The following RBPMS2 variants were observed in gnomAD, a reference collection of about 807,000 sequenced individuals.
The protein encoded by RBPMS2 is RNA binding protein, mRNA processing factor 2, also known as RNA-binding protein with multiple splicing 2.
RBPMS2 carries 14 observed loss-of-function variants against 25.7 expected under a neutral mutation model. That is an observed-to-expected ratio of 0.55 (90% CI 0.36 to 0.85). The LOEUF (loss-of-function observed/expected upper bound fraction) is 0.85. RBPMS2 is among the 40% of genes least tolerant of loss of function. RBPMS2 has a pLI of 0.01. For missense variants in RBPMS2, 252 were observed against 283.4 expected, an observed-to-expected ratio of 0.89 and a Z score of 0.80; for synonymous variants, 127 against 115.6, an observed-to-expected ratio of 1.10 and a Z score of -0.63.
intron 1 of RBPMS2, among the ~76,000 whole-genome samples, chr15:64,764,829 A>C (rs2083827988): frequency 6.6e-6 from 1 of 151,220 alleles, no homozygotes; most frequent in Non-Finnish European, 1.5e-5. Context: ...GAGGCAGGAG[A>C]ATGGTGTGAA....
At chr15:64,748,901 CA>C in intron 5 of RBPMS2, 98 bp downstream of exon 5, 4 of 1,416,696 alleles carry the variant, frequency 2.8e-6, no homozygotes, top group Non-Finnish European at 3.8e-6. Context: ...GCCGTGGACA[CA>C]AAAAGCCTCC....
At chr15:64,755,210 C>T (rs1467300012) in intron 1 of RBPMS2, among the ~76,000 whole-genome samples, 2 of 152,050 alleles carry the variant, frequency 1.3e-5, no homozygotes, top group Non-Finnish European at 2.9e-5. Context: ...CCTCTGGGTC[C>T]GATGACCCTT....
intron 1 of RBPMS2, chr15:64,762,361 G>C (rs760055228): frequency 2.6e-6 from 1 of 380,928 alleles, no homozygotes; most frequent in Admixed American, 2.8e-5. Flanking sequence ...GTTGGGGATG[G>C]GTGCTGGAGC....
rs904423725 is a variant in RBPMS2 at position 64,751,646 on chromosome 15, CAG to C, written c.88-10_88-9del. 2 of 1,613,356 alleles carry C rather than the reference CAG, an allele frequency of 1.2e-6. No homozygotes were observed. Among genetic ancestry groups the C allele is most frequent in the Non-Finnish European group, 1.7e-6 (2 of 1,179,454 alleles). ...GACAAACAGTGTCCGGACCTGGAGA[CAG>C]AGACCAGTGATCAGGGCCAGGCTGC... is the stretch of plus-strand genomic sequence containing the variant. On this transcript the variant is annotated splice_polypyrimidine_tract_variant and intron_variant, in intron 1 of 7. Transcript: ENST00000300069.
At chr15:64,760,558 G>A (rs2083773932) in intron 1 of RBPMS2, among the ~76,000 whole-genome samples, 1 of 152,040 alleles carries the variant, frequency 6.6e-6, no homozygotes, top group Non-Finnish European at 1.5e-5. Context: ...CCACCACCTA[G>A]AAAACAGATC....
At chr15:64,768,389 A>G (rs1393788251) in intron 1 of RBPMS2, among the ~76,000 whole-genome samples, 12 of 152,062 alleles carry the variant, frequency 7.9e-5, no homozygotes, top group Non-Finnish European at 2.9e-5. Context: ...CCTATAACCC[A>G]GCACTTTAGG....
intron 1 of RBPMS2, among the ~76,000 whole-genome samples, chr15:64,762,784 A>G (rs2083802307): frequency 6.6e-6 from 1 of 152,170 alleles, no homozygotes; most frequent in Non-Finnish European, 1.5e-5. Context: ...AAAGGGCAGT[A>G]GAATGCGACT....
chr15:64,757,842 G>A (rs577679245), intron 1 of RBPMS2, among the ~76,000 whole-genome samples: 1 of 152,112 alleles, frequency 6.6e-6, no homozygotes, highest in Non-Finnish European at 1.5e-5. Flanking sequence ...CAGGCGTGGT[G>A]GAAGGCACCT....
chr15:64,757,818 C>CCCA (rs397798676), intron 1 of RBPMS2, among the ~76,000 whole-genome samples: 2 of 149,106 alleles, frequency 1.3e-5, no homozygotes, highest in African/African-American at 4.9e-5. Flanking sequence ...TATCCCCCCC[C>CCCA]ACAAAAAATC....
intron 1 of RBPMS2, among the ~76,000 whole-genome samples, chr15:64,768,320 C>G (rs867013270): frequency 6.6e-6 from 1 of 152,070 alleles, no homozygotes; most frequent in Admixed American, 6.6e-5. Context: ...GCAGCCTGGG[C>G]AGCAAAGCAG....
At chr15:64,762,334 C>T (rs72744744) in intron 1 of RBPMS2, 133,323 of 516,266 alleles carry the variant, frequency 0.26, 18,979 homozygotes, top group Admixed American at 0.36. Flanking sequence ...GCCTTGTGCC[C>T]CACTAGCTAT....
At chr15:64,757,479 G>A (rs11629634) in intron 1 of RBPMS2, among the ~76,000 whole-genome samples, 2,145 of 152,252 alleles carry the variant, frequency 0.014, 35 homozygotes, top group Non-Finnish European at 0.023. Flanking sequence ...ATGTCCTAAG[G>A]TGGTCACTAG....
chr15:64,755,531 A>G (rs1357491434), intron 1 of RBPMS2, among the ~76,000 whole-genome samples: 1 of 152,166 alleles, frequency 6.6e-6, no homozygotes, highest in African/African-American at 2.4e-5. Context: ...AACGGCACAC[A>G]GCTGAGTTCA....
intron 1 of RBPMS2, among the ~76,000 whole-genome samples, chr15:64,764,330 C>A (rs35393200): frequency 0.028 from 4,312 of 152,282 alleles, 74 homozygotes; most frequent in Non-Finnish European, 0.039. Flanking sequence ...ACCCCTACAC[C>A]CCTCACTGCC....
chr15:64,746,762 T>C (rs1158184966), intron 6 of RBPMS2, among the ~76,000 whole-genome samples: 1 of 152,186 alleles, frequency 6.6e-6, no homozygotes. Context: ...ATTCAGAGGA[T>C]AGGGCAGAAC....
intron 1 of RBPMS2, among the ~76,000 whole-genome samples, chr15:64,764,206 G>A (rs1044217081): frequency 6.6e-6 from 1 of 152,180 alleles, no homozygotes; most frequent in Non-Finnish European, 1.5e-5. Flanking sequence ...GGTGCTGTGT[G>A]GCCAGCTAAC....
intron 1 of RBPMS2, among the ~76,000 whole-genome samples, chr15:64,758,315 T>C (rs72744741): frequency 0.065 from 9,818 of 152,210 alleles, 338 homozygotes; most frequent in South Asian, 0.088. Flanking sequence ...GTCACCCTTA[T>C]GGCAAGTAAG....
rs2083546274 is a variant in RBPMS2, at chr15:64,740,145, C to T, written c.*863G>A. On this transcript the variant is annotated 3_prime_UTR_variant, in exon 8 of 8. Coordinates refer to ENST00000300069, the MANE Select transcript of RBPMS2 (RefSeq NM_194272.3). ...ATGGAAACCCTTTTCTTCTTCATGCCTCAAACTAAACATTAAACTTATCTG... is the reference window on the plus strand; with the variant it reads ...ATGGAAACCCTTTTCTTCTTCATGCTTCAAACTAAACATTAAACTTATCTG... The T allele has an allele frequency of 6.6e-6, 1 of 152,512 alleles. No homozygotes were observed. Among genetic ancestry groups the T allele is most frequent in the Non-Finnish European group, 1.5e-5 (1 of 68,036 alleles). 9.4% of individuals were successfully genotyped at this position (152,512 alleles called of 1,614,324 possible). A position where few individuals can be genotyped will look rare whatever the true frequency, so the allele number is the denominator to read the frequency against.
chr15:64,751,557 T>C lies in RBPMS2; in HGVS notation c.165+4A>G. ...ACCCAGGGGGCGGCTGGGTCCTGAC[T>C]CACCTTGAACGGCCGGAAGAGCAAG... On this transcript the variant is annotated splice_donor_region_variant and intron_variant, in intron 2 of 7. Transcript: ENST00000300069. 6.2e-7 allele frequency: 1 copy of C among 1,613,684 alleles called. No individual in the cohort carries two copies.
Sources: allele counts gnomAD v4.1 joint callset (sites outside exome capture counted in the v4.1 genomes callset), GRCh38; gene constraint gnomAD v4.1.1; transcripts MANE v1.5; gene names NCBI Gene and HGNC (gene_info 2026-07-23, HGNC 2026-07-21).